Variants in LRTM2 observed in about 807,000 individuals in gnomAD.
LRTM2 encodes leucine-rich repeat and transmembrane domain-containing protein 2.
In LRTM2, 18 loss-of-function variants were observed where a neutral mutation model predicts 28.1. The observed-to-expected ratio is 0.64, with a 90% CI of 0.44 to 0.95. The LOEUF is 0.95. Among genes scored for constraint, LRTM2 ranks in the 40% least tolerant of loss-of-function variants. The pLI is 0.00. For missense variants in LRTM2, 436 were observed against 497.2 expected, an observed-to-expected ratio of 0.88 and a Z score of 1.17; for synonymous variants, 250 against 218.7, an observed-to-expected ratio of 1.14 and a Z score of -1.26.
At chr12:1,826,411 C>CG (rs1555177866) in intron 1 of LRTM2, among the ~76,000 whole-genome samples, 3 of 102,628 alleles carry the variant, frequency 2.9e-5, no homozygotes, top group Admixed American at 1.0e-4. Flanking sequence ...CCCCCCCCCC[C>CG]CCCCCGCCAA....
At chr12:1,823,501 G>A (rs1655571733) in intron 1 of LRTM2, among the ~76,000 whole-genome samples, 1 of 152,078 alleles carries the variant, frequency 6.6e-6, no homozygotes, top group African/African-American at 2.4e-5. Context: ...GGTGGCTACA[G>A]CCCACTCAGC....
At chr12:1,823,036 T>C (rs1354122919) in intron 1 of LRTM2, among the ~76,000 whole-genome samples, 1 of 152,192 alleles carries the variant, frequency 6.6e-6, no homozygotes, top group Non-Finnish European at 1.5e-5. Flanking sequence ...CAGAGTAGGC[T>C]GCAAATGCCC....
intron 1 of LRTM2, among the ~76,000 whole-genome samples, chr12:1,822,435 GC>G (rs2154446465): frequency 6.6e-6 from 1 of 152,192 alleles, no homozygotes; most frequent in African/African-American, 2.4e-5. Flanking sequence ...AGCCTCCTGT[GC>G]CCTGCCTGGG....
Position 1,834,580 on chromosome 12 carries a change from G to A in LRTM2, c.972G>A (p.Met324Ile). The A allele has an allele frequency of 6.2e-7, 1 of 1,600,890 alleles. No individual in the cohort carries two copies. Among genetic ancestry groups the A allele is most frequent in the South Asian group, 1.1e-5 (1 of 91,088 alleles). ...TCGTGTGCGGCGTCGTCTGCATCATGATGGTGGTGGCCGCTGCCTATGGCT... is the reference window on the plus strand; with the variant it reads ...TCGTGTGCGGCGTCGTCTGCATCATAATGGTGGTGGCCGCTGCCTATGGCT... ...AGVVCGVVCIMMVVAAAYGCI... is the reference protein window; with the variant it reads ...AGVVCGVVCIIMVVAAAYGCI... Residue 324 changes from methionine (M) to isoleucine (I), a missense_variant, in exon 5 of 5, where the codon ATG (methionine) becomes ATA (isoleucine). Transcript: ENST00000299194. This position sits in a 1 kb window ranked among gnomAD's most constrained non-coding sequence, Gnocchi z 7.6.
Position 1,831,284 on chromosome 12 carries a change from G to T in LRTM2, c.417G>T (p.Ser139=). 2 of 1,613,634 alleles carry T rather than the reference G, an allele frequency of 1.2e-6. No individual in the cohort carries two copies. ...TGGACAGGGACCTGCTGCGGCACTC[G>T]CCGCTGCTCCGCCACCTGGACCTGT... ...RTLDRDLLRH[S]PLLRHLDLSI... The change falls in exon 4 of 5, where the codon TCG becomes TCT. Residue 139 remains serine, a synonymous_variant. Transcript: ENST00000299194.
At chr12:1,823,203 T>C (rs1864179904) in intron 1 of LRTM2, 1 of 152,536 alleles carries the variant, frequency 6.6e-6, no homozygotes, top group African/African-American at 2.4e-5. Flanking sequence ...TCTGGCTGTG[T>C]GTCTTGGATG....
chr12:1,830,557 A>G (rs1358018653), intron 3 of LRTM2, among the ~76,000 whole-genome samples: 3 of 152,176 alleles, frequency 2.0e-5, no homozygotes, highest in Non-Finnish European at 4.4e-5. Context: ...GTCAACATCC[A>G]TGGTGTCAGT....
chr12:1,824,864 CCA>C (rs1422624726), intron 1 of LRTM2, among the ~76,000 whole-genome samples: 1 of 152,170 alleles, frequency 6.6e-6, no homozygotes, highest in Non-Finnish European at 1.5e-5. Context: ...CTCTGTGGTG[CCA>C]CACACATATG....
rs74676249 is a variant in LRTM2, at chr12:1,822,858, C to T, written c.-259+2044C>T. ...GTGGCAGCCTCCCCTGCGTCCTGGC[C>T]ACATGGAATCTCGGGCCGTCTTTGG... On this transcript the variant is annotated intron_variant, in intron 1 of 4. Transcript: ENST00000299194. Among the ~76,000 whole-genome samples the T allele has an allele frequency of 7.9e-4, 121 of 152,294 alleles. 1 individual carries two copies. In the East Asian group the frequency reaches 0.021, roughly 27 times the overall value.
chr12:1,828,238 A>AG lies in LRTM2; in HGVS notation c.67+29dup, dbSNP rs777610212. Reference sequence around the variant, plus strand: ...CCTGTGAGTACACCCCTGGCCTCGGAGGGGGGTGCGGGTTGGGTGGGGGTG... The same window carrying AG: ...CCTGTGAGTACACCCCTGGCCTCGGAGGGGGGGTGCGGGTTGGGTGGGGGTG... On this transcript the variant is annotated intron_variant, in intron 3 of 4. Transcript: ENST00000299194. The surrounding 1 kb of genome is among the most constrained non-coding windows in gnomAD (Gnocchi z 4.2). 5.6e-5 allele frequency: 75 copies of AG among 1,331,280 alleles called. 1 individual carries two copies. Among genetic ancestry groups the AG allele is most frequent in the Admixed American group, 1.9e-4 (9 of 46,438 alleles). 82.5% of individuals were successfully genotyped at this position (1,331,280 alleles called of 1,614,324 possible).
At chr12:1,827,308 C>CCCTTGTCCCCCGCGAAGGAAG (rs1336193213) in intron 1 of LRTM2, 102 bp from the exon 2 acceptor site, 1 of 152,628 alleles carries the variant, frequency 6.6e-6, no homozygotes, top group Non-Finnish European at 1.5e-5. Context: ...GGTAAGTGCC[C>CCCTTGTCCCCCGCGAAGGAAG]CCTTGTCCCC....
At chr12:1,830,566 G>C (rs1864576094) in intron 3 of LRTM2, among the ~76,000 whole-genome samples, 1 of 152,212 alleles carries the variant, frequency 6.6e-6, no homozygotes, top group African/African-American at 2.4e-5. Context: ...CATGGTGTCA[G>C]TGGGACCCAA....
At chr12:1,830,642 T>C (rs971131170) in intron 3 of LRTM2, among the ~76,000 whole-genome samples, 4 of 152,308 alleles carry the variant, frequency 2.6e-5, no homozygotes, top group African/African-American at 9.6e-5. Context: ...ATGGCTTGTC[T>C]CTGGGCTCTG....
In LRTM2 at chr12:1,833,507, C is replaced by T. The variant is rs1864721069; in HGVS notation, c.659-760C>T. On this transcript the variant is annotated intron_variant, in intron 4 of 4. Coordinates refer to ENST00000299194, the MANE Select transcript of LRTM2 (RefSeq NM_001039029.3). This position sits in a 1 kb window ranked among gnomAD's most constrained non-coding sequence, Gnocchi z 4.2. ...TGGCGAGCCCGTGCGCCCAGGTACC[C>T]ACACCTCCTCATCAACACCAGCCTC... Among the ~76,000 whole-genome samples, 2 of 152,178 alleles carry T rather than the reference C, an allele frequency of 1.3e-5. No homozygotes were observed. Among genetic ancestry groups the T allele is most frequent in the African/African-American group, 4.8e-5 (2 of 41,438 alleles).
intron 4 of LRTM2, among the ~76,000 whole-genome samples, chr12:1,832,213 C>T (rs769848467): frequency 1.3e-5 from 2 of 152,146 alleles, no homozygotes; most frequent in Non-Finnish European, 2.9e-5. Context: ...GCCAGGTCTG[C>T]GTCTGAATTT....
intron 1 of LRTM2, among the ~76,000 whole-genome samples, chr12:1,827,125 C>T (rs1288820399): frequency 6.6e-6 from 1 of 152,300 alleles, no homozygotes; most frequent in East Asian, 1.9e-4. Flanking sequence ...ATCCTCCCTC[C>T]CTCCCTGCCC....
At chr12:1,832,428 C>T (rs1203719333) in intron 4 of LRTM2, among the ~76,000 whole-genome samples, 1 of 152,250 alleles carries the variant, frequency 6.6e-6, no homozygotes, top group Admixed American at 6.5e-5. Context: ...TATCCGTTCA[C>T]TTCCTGGTAA....
At chr12:1,830,199 T>C (rs1163790990) in intron 3 of LRTM2, among the ~76,000 whole-genome samples, 1 of 152,242 alleles carries the variant, frequency 6.6e-6, no homozygotes, top group Non-Finnish European at 1.5e-5. Context: ...CTGGGCCCCA[T>C]GACTTGTCAA....
chr12:1,825,137 G>A (rs1009495412), intron 1 of LRTM2, among the ~76,000 whole-genome samples: 5 of 152,194 alleles, frequency 3.3e-5, no homozygotes, highest in Admixed American at 2.0e-4. Flanking sequence ...CATCCCATTC[G>A]AGGCTGAAGA....
Sources: allele counts gnomAD v4.1 joint callset (sites outside exome capture counted in the v4.1 genomes callset), GRCh38; gene constraint gnomAD v4.1.1; non-coding constraint Gnocchi (gnomAD v3.1); transcripts MANE v1.5; gene names NCBI Gene and HGNC (gene_info 2026-07-23, HGNC 2026-07-21).